LRP1B: variants seen among roughly 807,000 people sequenced by gnomAD.
LRP1B encodes LDL receptor related protein 1B.
In LRP1B, 217 loss-of-function variants were observed where a neutral mutation model predicts 556.6. The ratio of observed to expected loss-of-function variants is 0.39; its 90% CI spans 0.35 to 0.44. The LOEUF (loss-of-function observed/expected upper bound fraction) is 0.44. Among genes scored for constraint, LRP1B ranks in the 20% least tolerant of loss-of-function variants. The pLI is 1.00. For synonymous variants in LRP1B, 2,047 were observed against 1,865.8 expected, an observed-to-expected ratio of 1.10 and a Z score of -2.50; for missense variants, 5,053 against 5,620.8, an observed-to-expected ratio of 0.90 and a Z score of 3.23.
chr2:141,673,915 G>A (rs1690775192), intron 2 of LRP1B, among the ~76,000 whole-genome samples: 1 of 151,920 alleles, frequency 6.6e-6, no homozygotes, highest in Admixed American at 6.6e-5. Flanking sequence ...AATTTTGTGA[G>A]AGCTGCAAAT....
chr2:141,452,609 A>G (rs142202007), intron 3 of LRP1B, among the ~76,000 whole-genome samples: 49 of 152,330 alleles, frequency 3.2e-4, no homozygotes, highest in Middle Eastern at 3.4e-3. Context: ...TCTTGGAAAG[A>G]AGCCAAAATA....
At chr2:140,452,695 G>T (rs1686931992) in intron 62 of LRP1B, among the ~76,000 whole-genome samples, 1 of 152,028 alleles carries the variant, frequency 6.6e-6, no homozygotes, top group Non-Finnish European at 1.5e-5. Flanking sequence ...AAATAGATTA[G>T]CAATCCAAAG....
chr2:140,495,271 C>T (rs1688868821), intron 56 of LRP1B, among the ~76,000 whole-genome samples: 4 of 150,934 alleles, frequency 2.7e-5, no homozygotes, highest in East Asian at 1.9e-4. Flanking sequence ...AACTTGCTCC[C>T]AAGAACATGT....
In LRP1B at chr2:141,373,047, T is replaced by C. The variant is rs904761576; in HGVS notation, c.343+107349A>G. On this transcript the variant is annotated intron_variant, in intron 3 of 90. Transcript: ENST00000389484. ...GGTTTTAGTATGTTGTGTTTTCATTTTCATTTGTTCCAAAATTTTTAAAAA... is the reference window on the plus strand; with the variant it reads ...GGTTTTAGTATGTTGTGTTTTCATTCTCATTTGTTCCAAAATTTTTAAAAA... 4.6e-5 allele frequency among the ~76,000 whole-genome samples: 7 copies of C among 152,224 alleles called. No homozygotes were observed. In the East Asian group the frequency reaches 1.3e-3, roughly 29 times the overall value.
chr2:141,712,842 T>G (rs1483661142), intron 2 of LRP1B, among the ~76,000 whole-genome samples: 3 of 143,420 alleles, frequency 2.1e-5, no homozygotes, highest in Non-Finnish European at 3.1e-5. Context: ...GCTAATTTTT[T>G]TTTTTTTTTT....
At chr2:140,506,730 T>C (rs2104906403) in intron 53 of LRP1B, 66 bp downstream of exon 53, 1 of 1,536,792 alleles carries the variant, frequency 6.5e-7, no homozygotes, top group Admixed American at 2.1e-5. Flanking sequence ...AGTTTTTTAT[T>C]TACATACTAG....
chr2:141,775,463 A>G (rs1422404311), intron 2 of LRP1B, among the ~76,000 whole-genome samples: 1 of 152,230 alleles, frequency 6.6e-6, no homozygotes, highest in African/African-American at 2.4e-5. Flanking sequence ...GTTAAATAAA[A>G]TCTTTGACAT....
rs151294736 is a variant in LRP1B at position 141,178,906 on chromosome 2, T to A, written c.1013+9515A>T. On this transcript the variant is annotated intron_variant, in intron 7 of 90. Coordinates refer to ENST00000389484, the MANE Select transcript of LRP1B (RefSeq NM_018557.3). ...TCAGCATATAACACTCTTGCTGGAC[T>A]CATGTATGAATGTTAAATATAATTT... Among the ~76,000 whole-genome samples the A allele has an allele frequency of 1.8e-3, 267 of 152,180 alleles. 1 individual carries two copies. The highest frequency in any genetic ancestry group is 6.0e-3 in the African/African-American group (249 of 41,554).
intron 23 of LRP1B, among the ~76,000 whole-genome samples, chr2:140,897,899 T>C (rs1240106175): frequency 6.6e-6 from 1 of 152,186 alleles, no homozygotes; most frequent in Non-Finnish European, 1.5e-5. Context: ...CAGCCTATTG[T>C]GGGACTTCAC....
At chr2:140,655,885 G>T (rs1684862878) in intron 41 of LRP1B, among the ~76,000 whole-genome samples, 1 of 151,292 alleles carries the variant, frequency 6.6e-6, no homozygotes, top group Non-Finnish European at 1.5e-5. Context: ...GGAGCTTGCA[G>T]TGAGACGAGA....
At chr2:140,768,379 C>T (rs1428076565) in intron 35 of LRP1B, among the ~76,000 whole-genome samples, 5 of 151,746 alleles carry the variant, frequency 3.3e-5, no homozygotes, top group Non-Finnish European at 5.9e-5. Context: ...CAAACTAAGT[C>T]TTTACACATA....
chr2:141,694,060 A>G (rs1574250699), intron 2 of LRP1B, among the ~76,000 whole-genome samples: 1 of 152,144 alleles, frequency 6.6e-6, no homozygotes, highest in East Asian at 1.9e-4. Flanking sequence ...GTGTAGCACA[A>G]GATCGCGGAA....
chr2:140,590,871 G>T (rs1175615871), intron 43 of LRP1B, among the ~76,000 whole-genome samples: 1 of 152,110 alleles, frequency 6.6e-6, no homozygotes, highest in Non-Finnish European at 1.5e-5. Context: ...GCATATTAAA[G>T]TGTTCACTCT....
chr2:140,398,342 A>G (rs1350039953), intron 66 of LRP1B, among the ~76,000 whole-genome samples: 3 of 152,166 alleles, frequency 2.0e-5, no homozygotes, highest in Non-Finnish European at 4.4e-5. Context: ...ACACACACAC[A>G]TATCCAGTAT....
chr2:140,717,644 AAAT>A (rs1273110382), intron 35 of LRP1B, among the ~76,000 whole-genome samples: 2 of 152,168 alleles, frequency 1.3e-5, no homozygotes, highest in African/African-American at 4.8e-5. Context: ...AAGAATCATT[AAAT>A]AATAAATTTG....
chr2:141,221,606 C>G (rs1683045233), intron 6 of LRP1B, among the ~76,000 whole-genome samples: 1 of 152,138 alleles, frequency 6.6e-6, no homozygotes, highest in Non-Finnish European at 1.5e-5. Flanking sequence ...CTCTCCAACC[C>G]AAAACATCAG....
At chr2:141,455,819 G>T (rs1681609123) in intron 3 of LRP1B, among the ~76,000 whole-genome samples, 1 of 152,126 alleles carries the variant, frequency 6.6e-6, no homozygotes, top group African/African-American at 2.4e-5. Context: ...ATTTAAACTT[G>T]AAAATGTGAA....
In LRP1B at chr2:140,353,070, G is replaced by A. The variant is rs2105122338; in HGVS notation, c.11533C>T (p.Leu3845Phe). ...RNMKNRQCED[L>F]NECLVFGTCS... is the part of the protein sequence containing the mutation. ...GTGCCAAACACCAAACATTCATTAA[G>A]GTCTAGAAAAGAAGAGCTCAAAATA... Residue 3845 changes from leucine (L) to phenylalanine (F), a missense_variant and splice_region_variant, in exon 76 of 91, where the codon CTT (leucine) becomes TTT (phenylalanine). Transcript: ENST00000389484. The A allele has an allele frequency of 6.2e-7, 1 of 1,612,358 alleles. No individual in the cohort carries two copies. The highest frequency in any genetic ancestry group is 2.2e-5 in the East Asian group (1 of 44,598).
intron 3 of LRP1B, among the ~76,000 whole-genome samples, chr2:141,354,227 C>T (rs1255848746): frequency 1.3e-5 from 2 of 151,872 alleles, no homozygotes; most frequent in Admixed American, 1.3e-4. Context: ...AAAAGAAATG[C>T]AAATCAGGTC....
Sources: allele counts gnomAD v4.1 joint callset (sites outside exome capture counted in the v4.1 genomes callset), GRCh38; gene constraint gnomAD v4.1.1; transcripts MANE v1.5; gene names NCBI Gene and HGNC (gene_info 2026-07-23, HGNC 2026-07-21).